TLR2: variants seen among roughly 807,000 people sequenced by gnomAD.
TLR2 encodes the protein toll like receptor 2.
In TLR2, 7 loss-of-function variants were observed where a neutral mutation model predicts 9.1. The ratio of observed to expected loss-of-function variants is 0.77; its 90% CI spans 0.44 to 1.44. TLR2 has a LOEUF of 1.44. Ranked by LOEUF, TLR2 falls within the 40% of genes most tolerant of loss-of-function variation. TLR2 has a pLI of 0.01. For missense variants in TLR2, 812 were observed against 904.6 expected, an observed-to-expected ratio of 0.90 and a Z score of 1.31; for synonymous variants, 317 against 344.6, an observed-to-expected ratio of 0.92 and a Z score of 0.89.
At chr4:153,702,776 G>A (rs1038850577) in intron 2 of TLR2, 116 bp from the exon 3 acceptor site, 3 of 497,306 alleles carry the variant, frequency 6.0e-6, no homozygotes, top group Admixed American at 3.5e-5. Context: ...GTGTGTGTGT[G>A]TGTGTGTGTG....
Position 153,703,590 on chromosome 4 carries a change from A to G in TLR2, c.683A>G (p.Glu228Gly). The G allele has an allele frequency of 6.2e-7, 1 of 1,614,116 alleles. No homozygotes were observed. ...GTTACAAGTTCCGTGGAATGTTTGG[A>G]ACTGCGAGATACTGATTTGGACACT... is the stretch of plus-strand genomic sequence containing the variant. ...VDVTSSVECLELRDTDLDTFH... is the reference protein window; with the variant it reads ...VDVTSSVECLGLRDTDLDTFH... Residue 228 changes from glutamate (E) to glycine (G), a missense_variant, in exon 3 of 3, where the codon GAA (glutamate) becomes GGA (glycine). Glu to Gly is a moderately conservative substitution (Grantham distance 98). Coordinates refer to ENST00000642700, the MANE Select transcript of TLR2 (RefSeq NM_001318789.2).
chr4:153,709,370 G>A (rs1266803632), downstream of TLR2, among the ~76,000 whole-genome samples: 1 of 152,176 alleles, frequency 6.6e-6, no homozygotes, highest in Non-Finnish European at 1.5e-5. Flanking sequence ...AATGTATACA[G>A]TGTTGACTAT....
In TLR2 at chr4:153,705,286, T is replaced by C; in HGVS notation, c.*24T>C. The C allele has an allele frequency of 3.3e-6, 5 of 1,525,184 alleles. No homozygotes were observed. The highest frequency in any genetic ancestry group is 2.6e-5 in the South Asian group (2 of 76,334). The allele number at this position is 1,525,184 out of a possible 1,614,324, so 94.5% of individuals were successfully genotyped here. A position where few individuals can be genotyped will look rare whatever the true frequency, so the allele number is the denominator to read the frequency against. ...AGGTTCCCATATTTAAGACCAGTCTTTGTCTAGTTGGGATCTTTATGTCAC... is the reference window on the plus strand; with the variant it reads ...AGGTTCCCATATTTAAGACCAGTCTCTGTCTAGTTGGGATCTTTATGTCAC... On this transcript the variant is annotated 3_prime_UTR_variant, in exon 3 of 3. Transcript: ENST00000642700.
rs190143186 is a variant in TLR2, at chr4:153,704,942, T to A, written c.2035T>A (p.Phe679Ile). Reference protein sequence around the residue: ...PFKLCLHKRDFIPGKWIIDNI... With the variant: ...PFKLCLHKRDIIPGKWIIDNI... ...CAAGTTGTGTCTTCATAAGCGGGAC[T>A]TCATTCCTGGCAAGTGGATCATTGA... The change falls in exon 3 of 3, where the codon TTC becomes ATC. Residue 679 changes from phenylalanine (F) to isoleucine (I), a missense_variant. Phe to Ile is a conservative substitution (Grantham distance 21, BLOSUM62 0). Transcript: ENST00000642700. The A allele has an allele frequency of 1.5e-5, 24 of 1,613,038 alleles. No homozygotes were observed. The East Asian group carries it at 5.3e-4, about 36-fold the overall frequency.
chr4:153,696,719 C>T (rs1736526299), intron 2 of TLR2, among the ~76,000 whole-genome samples: 2 of 152,196 alleles, frequency 1.3e-5, no homozygotes, highest in Admixed American at 6.5e-5. Context: ...TGTGACAGTT[C>T]ACAATTGTTT....
At chr4:153,689,197 CT>C (rs1435647432) in intron 2 of TLR2, among the ~76,000 whole-genome samples, 1 of 152,128 alleles carries the variant, frequency 6.6e-6, no homozygotes. Context: ...CTTCTAGGTG[CT>C]TTTTTATTCT....
intron 2 of TLR2, among the ~76,000 whole-genome samples, chr4:153,700,093 C>T (rs1210622742): frequency 2.0e-5 from 3 of 152,002 alleles, no homozygotes; most frequent in Non-Finnish European, 4.4e-5. Flanking sequence ...AGGGAGGGAG[C>T]AAGAGTGAAG....
chr4:153,704,713 C>T lies in TLR2; in HGVS notation c.1806C>T (p.Ile602=), dbSNP rs947663824. The change falls in exon 3 of 3, where the codon ATC becomes ATT. Residue 602 remains isoleucine (I), a synonymous_variant. Coordinates refer to ENST00000642700, the MANE Select transcript of TLR2 (RefSeq NM_001318789.2). ...SGMCCALFLL[I]LLTGVLCHRF... Reference sequence around the variant, plus strand: ...TGTGCTGTGCTCTGTTCCTGCTGATCCTGCTCACGGGGGTCCTGTGCCACC... The same window carrying T: ...TGTGCTGTGCTCTGTTCCTGCTGATTCTGCTCACGGGGGTCCTGTGCCACC... The T allele has an allele frequency of 1.9e-6, 3 of 1,613,964 alleles. No individual in the cohort carries two copies. Among genetic ancestry groups the T allele is most frequent in the Non-Finnish European group, 2.5e-6 (3 of 1,179,978 alleles).
At position 153,697,191 on chromosome 4, in the gene TLR2, TA is replaced by T. The variant is rs573578983; in HGVS notation, c.-16-5694del. Reference sequence around the variant, plus strand: ...TTGAAGAAAATTCTAAGTTTTTTTTTAAAAAAATTGAGCATGAATATCAAAA... The same window carrying T: ...TTGAAGAAAATTCTAAGTTTTTTTTTAAAAAATTGAGCATGAATATCAAAA... On this transcript the variant is annotated intron_variant, in intron 2 of 2. Coordinates refer to ENST00000642700, the MANE Select transcript of TLR2 (RefSeq NM_001318789.2). 1.4e-3 allele frequency among the ~76,000 whole-genome samples: 215 copies of T among 152,040 alleles called. 1 individual carries two copies. Among genetic ancestry groups the T allele is most frequent in the Non-Finnish European group, 2.3e-3 (155 of 67,930 alleles).
chr4:153,700,281 GA>G (rs1362578528), intron 2 of TLR2, among the ~76,000 whole-genome samples: 1 of 152,154 alleles, frequency 6.6e-6, no homozygotes, highest in African/African-American at 2.4e-5. Flanking sequence ...GAGATTTGGA[GA>G]GGACAAACAT....
intron 2 of TLR2, among the ~76,000 whole-genome samples, chr4:153,699,865 T>G (rs968685535): frequency 6.6e-6 from 1 of 152,210 alleles, no homozygotes; most frequent in Non-Finnish European, 1.5e-5. Flanking sequence ...TTAATTGAAT[T>G]TCTACATATA....
chr4:153,702,620 G>C, intron 2 of TLR2: 1 of 341,074 alleles, frequency 2.9e-6, no homozygotes, highest in Non-Finnish European at 5.3e-6. Flanking sequence ...ATTGAGTCTT[G>C]CTCTGTAATT....
chr4:153,702,697 CAG>C (rs1445690891), intron 2 of TLR2, 193 bp from the exon 3 acceptor site: 1 of 571,624 alleles, frequency 1.7e-6, no homozygotes, highest in Admixed American at 3.3e-5. Flanking sequence ...CTGAATGTAT[CAG>C]GGAATTCATT....
Position 153,703,360 on chromosome 4 carries a change from G to T in TLR2, c.453G>T (p.Leu151Phe), listed in dbSNP as rs1279568920. 3 of 1,613,892 alleles carry T rather than the reference G, an allele frequency of 1.9e-6. No individual in the cohort carries two copies. The highest frequency in any genetic ancestry group is 2.5e-6 in the Non-Finnish European group (3 of 1,179,992). The change falls in exon 3 of 3, where the codon TTG becomes TTT. Residue 151 changes from leucine to phenylalanine, a missense_variant. By Grantham distance (22) the Leu-to-Phe change is conservative. Transcript: ENST00000642700. ...ETSLFSHLTK[L>F]QILRVGNMDT... is the part of the protein sequence containing the mutation. ...CTCTTTTTTCTCATCTCACAAAATT[G>T]CAAATCCTGAGAGTGGGAAATATGG...
Position 153,704,919 on chromosome 4 carries a change from A to C in TLR2, c.2012A>C (p.Lys671Thr). Residue 671 changes from lysine to threonine, a missense_variant, in exon 3 of 3, where the codon AAG becomes ACG. Lys to Thr is a moderately conservative substitution (Grantham distance 78). Transcript: ENST00000642700. ...QELENFNPPFKLCLHKRDFIP... is the reference protein window; with the variant it reads ...QELENFNPPFTLCLHKRDFIP... ...CTGGAGAACTTCAATCCCCCCTTCA[A>C]GTTGTGTCTTCATAAGCGGGACTTC... 13 of 1,613,000 alleles carry C rather than the reference A, an allele frequency of 8.1e-6. No homozygotes were observed. The highest frequency in any genetic ancestry group is 1.1e-5 in the Non-Finnish European group (13 of 1,179,966).
At chr4:153,706,624 T>A (rs1737341067), downstream of TLR2, among the ~76,000 whole-genome samples, 1 of 152,200 alleles carries the variant, frequency 6.6e-6, no homozygotes, top group South Asian at 2.1e-4. Context: ...GATGCAACTT[T>A]CTTTGGTAAG....
At chr4:153,692,717 T>C (rs934793466) in intron 2 of TLR2, among the ~76,000 whole-genome samples, 3 of 152,220 alleles carry the variant, frequency 2.0e-5, no homozygotes, top group African/African-American at 7.2e-5. Context: ...AATAAATCTC[T>C]TCCCTATAAA....
chr4:153,689,474 C>G (rs562452077), intron 2 of TLR2, among the ~76,000 whole-genome samples: 1 of 152,324 alleles, frequency 6.6e-6, no homozygotes, highest in Non-Finnish European at 1.5e-5. Flanking sequence ...AATAATGATT[C>G]CATAGGAATC....
chr4:153,687,953 T>C lies in TLR2; in HGVS notation c.-111T>C, dbSNP rs1452555146. ...GCAAGCAGGATCCAAAGGAGACCTA[T>C]AGTGACTCCCAGGAGCTCTTAGTGA... On this transcript the variant is annotated 5_prime_UTR_variant, in exon 2 of 3. Coordinates refer to ENST00000642700, the MANE Select transcript of TLR2 (RefSeq NM_001318789.2). The C allele has an allele frequency of 6.6e-6, 1 of 152,208 alleles. No individual in the cohort carries two copies. The highest frequency in any genetic ancestry group is 2.4e-5 in the African/African-American group (1 of 41,452). The allele number at this position is 152,208 out of a possible 1,614,324, so 9.4% of individuals were successfully genotyped here.
Sources: gnomAD v4.1 joint callset for allele counts (sites outside exome capture counted in the v4.1 genomes callset) on GRCh38, gnomAD v4.1.1 for gene constraint, MANE v1.5 for transcripts, NCBI Gene and HGNC (gene_info 2026-07-23, HGNC 2026-07-21) for gene names.